CDC42BPB: variants seen among roughly 807,000 people sequenced by gnomAD.
CDC42BPB encodes the protein serine/threonine-protein kinase MRCK beta.
In CDC42BPB, 37 loss-of-function variants were observed where a neutral mutation model predicts 214.9. The observed-to-expected ratio is 0.17, with a 90% CI of 0.13 to 0.23. The LOEUF is 0.23. CDC42BPB is among the 10% of genes least tolerant of loss of function. The pLI is 1.00. For missense variants in CDC42BPB, 1,694 were observed against 2,227.0 expected, an observed-to-expected ratio of 0.76 and a Z score of 4.82; for synonymous variants, 931 against 884.0, an observed-to-expected ratio of 1.05 and a Z score of -0.94.
Position 103,057,257 on chromosome 14 carries a change from C to T in CDC42BPB, c.-84G>A. The stretch of plus-strand genomic sequence containing the variant: ...TCAGGGCGCGCCCTCGGGGGCTCGG[C>T]GGCTGCGAGCCCCGGCAGCAGCGGC... On this transcript the variant is annotated 5_prime_UTR_variant, in exon 1 of 37. Transcript: ENST00000361246. 2.5e-6 allele frequency: 3 copies of T among 1,181,440 alleles called. No homozygotes were observed. The highest frequency in any genetic ancestry group is 4.2e-5 in the South Asian group (1 of 23,956). The allele number at this position is 1,181,440 out of a possible 1,614,324, so 73.2% of individuals were successfully genotyped here. A position where few individuals can be genotyped will look rare whatever the true frequency, so the allele number is the denominator to read the frequency against.
Position 103,039,760 on chromosome 14 carries a change from T to C in CDC42BPB, c.175+17239A>G, listed in dbSNP as rs139629598. The stretch of plus-strand genomic sequence containing the variant: ...CTACCCTACACTGTACTGAAGGTTC[T>C]AGGCAGGGCAAGTAGACAACAAAAA... On this transcript the variant is annotated intron_variant, in intron 1 of 36. Coordinates refer to ENST00000361246, the MANE Select transcript of CDC42BPB (RefSeq NM_006035.4). Among the ~76,000 whole-genome samples the C allele has an allele frequency of 4.4e-3, 663 of 152,272 alleles. 3 individuals are homozygous for C. The highest frequency in any genetic ancestry group is 0.015 in the African/African-American group (640 of 41,542).
At chr14:103,041,899 C>G in intron 1 of CDC42BPB, 1 of 418,812 alleles carries the variant, frequency 2.4e-6, no homozygotes, top group South Asian at 2.0e-5. Context: ...AGAACTGAAA[C>G]TGGCCACCCA....
intron 1 of CDC42BPB, among the ~76,000 whole-genome samples, chr14:103,053,757 G>A (rs1013295848): frequency 1.5e-3 from 218 of 144,480 alleles, no homozygotes; most frequent in African/African-American, 4.8e-3. Context: ...GTGAGACTCC[G>A]TCTCAAAAAA....
chr14:103,019,779 G>T (rs1886665876), intron 1 of CDC42BPB, among the ~76,000 whole-genome samples: 1 of 152,104 alleles, frequency 6.6e-6, no homozygotes, highest in African/African-American at 2.4e-5. Context: ...ACCCCGAACT[G>T]TCCCCTAAAG....
intron 1 of CDC42BPB, among the ~76,000 whole-genome samples, chr14:103,040,438 A>T (rs1044357215): frequency 1.7e-4 from 24 of 140,224 alleles, no homozygotes; most frequent in Non-Finnish European, 2.8e-4. Flanking sequence ...TGAAAACTGA[A>T]ACTTTTTTTC....
rs146696367 is a variant in CDC42BPB, at chr14:102,982,332, G to A, written c.891+1224C>T. ...GCTTCAGTGTTAATCTGCTCCCTGT[G>A]AGAGCGAACTGTGGGAGGCCCTGGC... On this transcript the variant is annotated intron_variant, in intron 7 of 36. Coordinates refer to ENST00000361246, the MANE Select transcript of CDC42BPB (RefSeq NM_006035.4). Among the ~76,000 whole-genome samples the A allele has an allele frequency of 1.4e-3, 209 of 152,336 alleles. 1 individual carries two copies. The highest frequency in any genetic ancestry group is 4.8e-3 in the African/African-American group (199 of 41,580).
chr14:102,966,564 T>G lies in CDC42BPB; in HGVS notation c.2472-177A>C, dbSNP rs560781216. The stretch of plus-strand genomic sequence containing the variant: ...CTCATTGATGGATGCGTCGTTACAT[T>G]GCACATGACTGCAGTTTAAAAAGAC... On this transcript the variant is annotated intron_variant, in intron 17 of 36. Coordinates refer to ENST00000361246, the MANE Select transcript of CDC42BPB (RefSeq NM_006035.4). 31 of 963,478 alleles carry G rather than the reference T, an allele frequency of 3.2e-5. No individual in the cohort carries two copies. The African/African-American group carries it at 4.6e-4, about 14-fold the overall frequency. The allele number at this position is 963,478 out of a possible 1,614,324, so 59.7% of individuals were successfully genotyped here.
At chr14:103,013,104 T>C (rs1297223656) in intron 1 of CDC42BPB, among the ~76,000 whole-genome samples, 1 of 152,184 alleles carries the variant, frequency 6.6e-6, no homozygotes, top group African/African-American at 2.4e-5. Flanking sequence ...AGTCTCCTAG[T>C]CAAAGCCAAT....
chr14:102,937,416 G>A (rs896523253), intron 36 of CDC42BPB, among the ~76,000 whole-genome samples: 2 of 152,246 alleles, frequency 1.3e-5, no homozygotes, highest in African/African-American at 2.4e-5. Context: ...GCATCTGCCC[G>A]TCCGTTCGGC....
chr14:102,980,758 T>C lies in CDC42BPB; in HGVS notation c.1140+15A>G. ...CCACAGCCAGCAACCCTGAGAACGG[T>C]GCTTTCACACTCACCGTGTTTCTCA... On this transcript the variant is annotated intron_variant, in intron 8 of 36. Coordinates refer to ENST00000361246, the MANE Select transcript of CDC42BPB (RefSeq NM_006035.4). The C allele has an allele frequency of 3.7e-6, 6 of 1,613,112 alleles. No homozygotes were observed. The highest frequency in any genetic ancestry group is 5.1e-6 in the Non-Finnish European group (6 of 1,179,194).
chr14:102,989,533 T>C lies in CDC42BPB; in HGVS notation c.597-2953A>G, dbSNP rs753113357. Among the ~76,000 whole-genome samples, 4 of 152,340 alleles carry C rather than the reference T, an allele frequency of 2.6e-5. No individual in the cohort carries two copies. In the East Asian group the frequency reaches 7.7e-4, roughly 29 times the overall value. On this transcript the variant is annotated intron_variant, in intron 5 of 36. Transcript: ENST00000361246. ...CTTAGGAGACTACTTGAATAAACTA[T>C]GGTAGTTACCTATGGTAGTTCGCAG... is the stretch of plus-strand genomic sequence containing the variant.
chr14:102,933,870 G>C, intron 36 of CDC42BPB, 27 bp from the exon 37 acceptor site: 1 of 1,492,788 alleles, frequency 6.7e-7, no homozygotes. Context: ...GGCAGGGTGA[G>C]CACCCGCTGC....
intron 28 of CDC42BPB, among the ~76,000 whole-genome samples, chr14:102,946,209 G>A (rs1305055508): frequency 2.0e-5 from 3 of 151,678 alleles, no homozygotes; most frequent in Admixed American, 1.3e-4. Context: ...TTTTTTAGCA[G>A]AGACAGGGTT....
chr14:102,933,496 C>T lies in CDC42BPB; in HGVS notation c.*216G>A, dbSNP rs1891488835. 5 of 428,114 alleles carry T rather than the reference C, an allele frequency of 1.2e-5. No homozygotes were observed. The South Asian group carries it at 2.4e-4, about 20-fold the overall frequency. 26.5% of individuals were successfully genotyped at this position (428,114 alleles called of 1,614,324 possible). ...CCTTCATGTGCAGATGGAACAGCAT[C>T]GCCTCACAGCTGTGCAGACGAACAG... is the stretch of plus-strand genomic sequence containing the variant. On this transcript the variant is annotated 3_prime_UTR_variant, in exon 37 of 37. Coordinates refer to ENST00000361246, the MANE Select transcript of CDC42BPB (RefSeq NM_006035.4).
intron 5 of CDC42BPB, among the ~76,000 whole-genome samples, chr14:102,989,743 C>T (rs577591340): frequency 6.6e-6 from 1 of 151,796 alleles, no homozygotes; most frequent in Admixed American, 6.6e-5. Flanking sequence ...TGGTGGCGGG[C>T]GGCTACTCAG....
At chr14:102,958,648 C>T (rs947046344) in intron 21 of CDC42BPB, among the ~76,000 whole-genome samples, 2 of 152,036 alleles carry the variant, frequency 1.3e-5, no homozygotes, top group East Asian at 2.0e-4. Context: ...GCTCCTCACT[C>T]GACAGCTAAT....
chr14:102,941,532 C>T (rs1891888619), intron 30 of CDC42BPB: 1 of 985,340 alleles, frequency 1.0e-6, no homozygotes, highest in African/African-American at 1.7e-5. Flanking sequence ...AAAGCAGCCC[C>T]AGACACTGCC....
chr14:103,012,135 C>T lies in CDC42BPB; in HGVS notation c.229G>A (p.Glu77Lys), dbSNP rs1202032028. The change falls in exon 2 of 37, where the codon GAA becomes AAA. Residue 77 changes from glutamate (E) to lysine (K), a missense_variant. Around this residue, in one of 7 missense-constraint regions of CDC42BPB, gnomAD observed 225 missense variants for 459.3 expected, o/e 0.49. Transcript: ENST00000361246. ...CCTCTTCCAATTACTTTAATTATTTCAAAGTCTTCTCGATGAAGCTGCATT... is the reference window on the plus strand; with the variant it reads ...CCTCTTCCAATTACTTTAATTATTTTAAAGTCTTCTCGATGAAGCTGCATT... ...KEMQLHREDF[E>K]IIKVIGRGAF... 1 of 1,613,642 alleles carries T rather than the reference C, an allele frequency of 6.2e-7. No individual in the cohort carries two copies. The highest frequency in any genetic ancestry group is 1.7e-5 in the Admixed American group (1 of 60,014).
intron 5 of CDC42BPB, among the ~76,000 whole-genome samples, chr14:102,993,334 A>T (rs1022818063): frequency 6.6e-6 from 1 of 152,330 alleles, no homozygotes; most frequent in Admixed American, 6.5e-5. Flanking sequence ...GGCTGTGTGC[A>T]CAGGGCATGC....
Sources: gnomAD v4.1 joint callset for allele counts (sites outside exome capture counted in the v4.1 genomes callset) on GRCh38, gnomAD v4.1.1 for gene constraint, gnomAD v4.1.1 regional missense constraint, MANE v1.5 for transcripts, NCBI Gene and HGNC (gene_info 2026-07-23, HGNC 2026-07-21) for gene names.